The following MBNL2 variants were observed in gnomAD, a reference collection of about 807,000 sequenced individuals.
MBNL2 encodes muscleblind-like protein 2.
In MBNL2, 17 loss-of-function variants were observed where a neutral mutation model predicts 41.9. That is an observed-to-expected ratio of 0.41 (90% CI 0.28 to 0.61). MBNL2 has a LOEUF of 0.61. Ranked by LOEUF, MBNL2 falls within the 20% of genes least tolerant of loss-of-function variation. MBNL2 has a pLI of 0.35. For missense variants in MBNL2, 336 were observed against 505.6 expected, an observed-to-expected ratio of 0.66 and a Z score of 3.22; for synonymous variants, 195 against 182.9, an observed-to-expected ratio of 1.07 and a Z score of -0.53.
At chr13:97,375,502 T>A (rs947741460) in intron 8 of MBNL2, among the ~76,000 whole-genome samples, 5 of 152,142 alleles carry the variant, frequency 3.3e-5, no homozygotes, top group Admixed American at 2.0e-4. Flanking sequence ...CCTGACACCA[T>A]GACCAGCTGG....
At chr13:97,347,814 A>G (rs1203818490) in intron 5 of MBNL2, among the ~76,000 whole-genome samples, 1 of 152,176 alleles carries the variant, frequency 6.6e-6, no homozygotes, top group Non-Finnish European at 1.5e-5. Context: ...ATGCACCATT[A>G]TTAGGATCAC....
intron 1 of MBNL2, among the ~76,000 whole-genome samples, chr13:97,250,310 A>G (rs1408861056): frequency 6.6e-6 from 1 of 152,150 alleles, no homozygotes; most frequent in Non-Finnish European, 1.5e-5. Flanking sequence ...TACTGCATCA[A>G]ATTCAGGTTT....
chr13:97,184,184 G>T, the MBNL2 span, among the ~76,000 whole-genome samples: 8 of 152,144 alleles, frequency 5.3e-5, no homozygotes, highest in Admixed American at 5.2e-4. Context: ...ACCAGGCACT[G>T]TTTCTCTATC....
chr13:97,196,084 A>T, the MBNL2 span, among the ~76,000 whole-genome samples: 1 of 152,240 alleles, frequency 6.6e-6, no homozygotes, highest in Non-Finnish European at 1.5e-5. Context: ...AATAAGAAAT[A>T]TAATCTAATC....
At position 97,287,847 on chromosome 13, in the gene MBNL2, C is replaced by T. The variant is rs1267619258; in HGVS notation, c.174+11438C>T. Among the ~76,000 whole-genome samples, 6 of 149,070 alleles carry T rather than the reference C, an allele frequency of 4.0e-5. No individual in the cohort carries two copies. In the East Asian group the frequency reaches 5.9e-4, roughly 15 times the overall value. Reference sequence around the variant, plus strand: ...TTCAAGTGATTCTCCTGCGTTCAAGCGATTCTCCTGCCTCAGCCTCCTGAG... The same window carrying T: ...TTCAAGTGATTCTCCTGCGTTCAAGTGATTCTCCTGCCTCAGCCTCCTGAG... On this transcript the variant is annotated intron_variant, in intron 2 of 8. Transcript: ENST00000679496.
chr13:97,211,037 T>A, the MBNL2 span, among the ~76,000 whole-genome samples: 2 of 151,950 alleles, frequency 1.3e-5, no homozygotes, highest in Non-Finnish European at 2.9e-5. Flanking sequence ...GTGAGGTACA[T>A]AACATTTGAT....
intron 2 of MBNL2, among the ~76,000 whole-genome samples, chr13:97,317,251 G>A (rs528897930): frequency 4.6e-5 from 7 of 152,270 alleles, no homozygotes; most frequent in Admixed American, 3.9e-4. Flanking sequence ...TATGCTTTTC[G>A]CTGCTGAACT....
chr13:97,150,599 C>T, the MBNL2 span, among the ~76,000 whole-genome samples: 4 of 152,324 alleles, frequency 2.6e-5, no homozygotes, highest in East Asian at 7.7e-4. Context: ...TTCATTTTCA[C>T]TCAATGCGGT....
the MBNL2 span, among the ~76,000 whole-genome samples, chr13:97,144,778 G>A: frequency 4.6e-5 from 7 of 152,216 alleles, no homozygotes; most frequent in African/African-American, 9.6e-5. Flanking sequence ...ACCACATGAC[G>A]GCGGAGGATG....
intron 1 of MBNL2, among the ~76,000 whole-genome samples, chr13:97,251,945 G>A (rs1407135036): frequency 4.7e-5 from 7 of 148,164 alleles, no homozygotes; most frequent in African/African-American, 1.7e-4. Flanking sequence ...CCGCTTCCCG[G>A]GTTCACGCCA....
In MBNL2 at chr13:97,346,198, A is replaced by T. The variant is rs1166614091; in HGVS notation, c.541-606A>T. On this transcript the variant is annotated intron_variant, in intron 4 of 8. Coordinates refer to ENST00000679496, the MANE Select transcript of MBNL2 (RefSeq NM_001382683.1). This position sits in a 1 kb window ranked among gnomAD's most constrained non-coding sequence, Gnocchi z 4.2. ...ATAATATTAGGTTGGTGCAAAAGTA[A>T]TTGCAGTTTTTACCATTAAAAATAA... Among the ~76,000 whole-genome samples the T allele has an allele frequency of 1.3e-5, 2 of 152,152 alleles. No individual in the cohort carries two copies. The highest frequency in any genetic ancestry group is 2.9e-5 in the Non-Finnish European group (2 of 68,024).
chr13:97,333,708 C>G (rs989854721), intron 2 of MBNL2, among the ~76,000 whole-genome samples: 2 of 152,142 alleles, frequency 1.3e-5, no homozygotes, highest in Non-Finnish European at 2.9e-5. Context: ...TCTTATTACT[C>G]TCTACTCCAC....
intron 8 of MBNL2, among the ~76,000 whole-genome samples, chr13:97,387,533 A>C (rs1241399584): frequency 6.6e-6 from 1 of 152,094 alleles, no homozygotes; most frequent in Non-Finnish European, 1.5e-5. Context: ...CTGATTCCCA[A>C]GCTCACAGGG....
chr13:97,151,820 C>A, the MBNL2 span, among the ~76,000 whole-genome samples: 2 of 152,140 alleles, frequency 1.3e-5, no homozygotes, highest in Non-Finnish European at 2.9e-5. Flanking sequence ...CCCTGAAGAA[C>A]CTGAATGGTT....
Position 97,346,788 on chromosome 13 carries a change from T to C in MBNL2, c.541-16T>C. On this transcript the variant is annotated splice_polypyrimidine_tract_variant and intron_variant, in intron 4 of 8. Coordinates refer to ENST00000679496, the MANE Select transcript of MBNL2 (RefSeq NM_001382683.1). This position sits in a 1 kb window ranked among gnomAD's most constrained non-coding sequence, Gnocchi z 4.2. The stretch of plus-strand genomic sequence containing the variant: ...CAGGCTTGCCTCTGCAGCGCGGCTC[T>C]TCTTCCCTGTCTTAGGTATGCAGGG... 1 of 1,612,398 alleles carries C rather than the reference T, an allele frequency of 6.2e-7. No individual in the cohort carries two copies. The highest frequency in any genetic ancestry group is 8.5e-7 in the Non-Finnish European group (1 of 1,178,896).
At chr13:97,216,400 G>GA in the MBNL2 span, among the ~76,000 whole-genome samples, 2 of 151,410 alleles carry the variant, frequency 1.3e-5, no homozygotes, top group Non-Finnish European at 2.9e-5. Context: ...GAAATAACTA[G>GA]AAAAAAAAGT....
the MBNL2 span, among the ~76,000 whole-genome samples, chr13:97,176,130 C>T: frequency 2.0e-5 from 3 of 152,192 alleles, no homozygotes; most frequent in South Asian, 4.2e-4. Flanking sequence ...GCAAATAGCT[C>T]GAGTTAAATC....
Position 97,248,175 on chromosome 13 carries a change from C to T in MBNL2, c.-605+25644C>T, listed in dbSNP as rs140786627. The stretch of plus-strand genomic sequence containing the variant: ...TAAGATGGAGTCTTTCTCTGTAACC[C>T]AGGCTGGGGTGCAGTGGTGCGATCT... On this transcript the variant is annotated intron_variant, in intron 1 of 8. Transcript: ENST00000679496. 7.2e-3 allele frequency among the ~76,000 whole-genome samples: 1,095 copies of T among 152,308 alleles called. 5 individuals carry two copies. Among genetic ancestry groups the T allele is most frequent in the Admixed American group, 0.01 (153 of 15,298 alleles).
At chr13:97,298,068 T>TTTA (rs2057246773) in intron 2 of MBNL2, among the ~76,000 whole-genome samples, 2 of 152,132 alleles carry the variant, frequency 1.3e-5, no homozygotes, top group African/African-American at 4.8e-5. Context: ...CTCGGACCTC[T>TTTA]TCAGTATATT....
Sources: gnomAD v4.1 joint callset for allele counts (sites outside exome capture counted in the v4.1 genomes callset) on GRCh38, gnomAD v4.1.1 for gene constraint, Gnocchi (gnomAD v3.1) non-coding constraint, MANE v1.5 for transcripts, NCBI Gene and HGNC (gene_info 2026-07-23, HGNC 2026-07-21) for gene names.